Variants in GLT8D2 observed in about 807,000 individuals in gnomAD.
The protein encoded by GLT8D2 is glycosyltransferase 8 domain containing 2.
GLT8D2 carries 45 observed loss-of-function variants against 44.5 expected under a neutral mutation model. The observed-to-expected ratio is 1.01, with a 90% CI of 0.80 to 1.30. The LOEUF is 1.30. Among genes scored for constraint, GLT8D2 ranks in the 50% most tolerant of loss-of-function variants. The pLI, the probability that GLT8D2 is intolerant of heterozygous loss-of-function variation, is 0.00. For synonymous variants in GLT8D2, 156 were observed against 157.2 expected, an observed-to-expected ratio of 0.99 and a Z score of 0.06; for missense variants, 400 against 430.4, an observed-to-expected ratio of 0.93 and a Z score of 0.62.
chr12:104,059,429 G>C (rs1028457406), intron 1 of GLT8D2, among the ~76,000 whole-genome samples: 1 of 152,100 alleles, frequency 6.6e-6, no homozygotes, highest in African/African-American at 2.4e-5. Flanking sequence ...GGCTGCTCCA[G>C]TTCTAGCCAT....
chr12:104,055,105 G>A (rs1344790465), upstream of GLT8D2, among the ~76,000 whole-genome samples: 1 of 152,212 alleles, frequency 6.6e-6, no homozygotes, highest in Non-Finnish European at 1.5e-5. Flanking sequence ...CCAGGACCTG[G>A]AGAGAGGATA....
At chr12:104,000,718 C>T (rs979035028) in intron 5 of GLT8D2, among the ~76,000 whole-genome samples, 1 of 152,158 alleles carries the variant, frequency 6.6e-6, no homozygotes, top group Non-Finnish European at 1.5e-5. Context: ...TTTTCATACC[C>T]ATGGATAGTT....
intron 4 of GLT8D2, among the ~76,000 whole-genome samples, chr12:104,011,651 T>A (rs1034956569): frequency 6.6e-6 from 1 of 152,178 alleles, no homozygotes; most frequent in African/African-American, 2.4e-5. Flanking sequence ...CCTCTGGACA[T>A]CAACTTAGAA....
intron 1 of GLT8D2, among the ~76,000 whole-genome samples, chr12:104,024,533 T>C (rs1878310824): frequency 6.6e-6 from 1 of 152,208 alleles, no homozygotes; most frequent in Non-Finnish European, 1.5e-5. Context: ...AAGTTCCAGT[T>C]GCTCTGTGTT....
At chr12:104,016,648 GAGAA>G (rs201450994) in intron 3 of GLT8D2, among the ~76,000 whole-genome samples, 41 of 132,902 alleles carry the variant, frequency 3.1e-4, no homozygotes, top group South Asian at 1.5e-3. Context: ...GAAAGAAGGA[GAGAA>G]AGAAAGAAAG....
chr12:104,008,645 T>G (rs1309738468), intron 4 of GLT8D2, among the ~76,000 whole-genome samples: 1 of 152,024 alleles, frequency 6.6e-6, no homozygotes, highest in Non-Finnish European at 1.5e-5. Flanking sequence ...CCCAAGACAA[T>G]GGGGAAAATG....
At chr12:104,019,754 T>C in intron 2 of GLT8D2, 78 bp from the exon 3 acceptor site, 1 of 893,478 alleles carries the variant, frequency 1.1e-6, no homozygotes, top group South Asian at 1.5e-5. Flanking sequence ...GGACTATGCC[T>C]TCCCTGAAAG....
chr12:104,037,197 C>A (rs1880009248), intron 1 of GLT8D2, among the ~76,000 whole-genome samples: 1 of 152,038 alleles, frequency 6.6e-6, no homozygotes, highest in Non-Finnish European at 1.5e-5. Flanking sequence ...ACTAAATGCC[C>A]ACAAGAGAAA....
intron 1 of GLT8D2, among the ~76,000 whole-genome samples, chr12:104,042,688 G>A (rs1338314556): frequency 6.6e-6 from 1 of 152,126 alleles, no homozygotes; most frequent in African/African-American, 2.4e-5. Context: ...CCTATCTTCT[G>A]GCTTCCCTGG....
intron 1 of GLT8D2, among the ~76,000 whole-genome samples, chr12:104,039,667 G>A (rs1297565075): frequency 2.0e-5 from 3 of 152,230 alleles, no homozygotes; most frequent in Non-Finnish European, 4.4e-5. Context: ...AGAGGATGTG[G>A]AGAAATAGGA....
chr12:104,010,024 C>CAA (rs35091496), intron 4 of GLT8D2, among the ~76,000 whole-genome samples: 43 of 151,020 alleles, frequency 2.8e-4, no homozygotes, highest in South Asian at 1.7e-3. Flanking sequence ...ATAAACAAAC[C>CAA]AAAAAAAAAG....
At chr12:103,989,913 C>T (rs1872508358) in intron 10 of GLT8D2, among the ~76,000 whole-genome samples, 1 of 151,774 alleles carries the variant, frequency 6.6e-6, no homozygotes, top group Admixed American at 6.6e-5. Context: ...GGAAACTTTC[C>T]ACAGCAGTAC....
At chr12:104,025,087 A>G (rs1360656884) in intron 1 of GLT8D2, among the ~76,000 whole-genome samples, 2 of 149,034 alleles carry the variant, frequency 1.3e-5, no homozygotes, top group South Asian at 2.1e-4. Context: ...AAAAAAAAAA[A>G]AAGCCCTGTG....
At chr12:104,044,856 C>A (rs1035155465) in intron 1 of GLT8D2, among the ~76,000 whole-genome samples, 1 of 152,158 alleles carries the variant, frequency 6.6e-6, no homozygotes, top group Non-Finnish European at 1.5e-5. Context: ...GCTGAAAAGT[C>A]TGAAGAATAA....
chr12:103,997,118 G>C (rs570511772), intron 7 of GLT8D2, among the ~76,000 whole-genome samples: 2 of 152,274 alleles, frequency 1.3e-5, no homozygotes, highest in East Asian at 3.9e-4. Flanking sequence ...TAGTGGAAGA[G>C]ATAGAACACA....
intron 2 of GLT8D2, 149 bp from the exon 3 acceptor site, chr12:104,019,825 C>T: frequency 3.7e-6 from 2 of 540,616 alleles, no homozygotes; most frequent in Non-Finnish European, 3.2e-6. Context: ...ATTTTGGAAA[C>T]AAAATAAATA....
Position 104,003,168 on chromosome 12 carries a change from A to G in GLT8D2, c.251T>C (p.Val84Ala). 1 of 1,614,182 alleles carries G rather than the reference A, an allele frequency of 6.2e-7. No individual in the cohort carries two copies. The highest frequency in any genetic ancestry group is 8.5e-7 in the Non-Finnish European group (1 of 1,180,000). ...AGTCAGAGTATTCCGGAGTCCCACT[A>G]CATAGAACAAGATGTTGGCGTCAGT... is the stretch of plus-strand genomic sequence containing the variant. Reference protein sequence around the residue: ...SNTDANILFYVVGLRNTLTRI... With the variant: ...SNTDANILFYAVGLRNTLTRI... The change falls in exon 5 of 11, where the codon GTA (valine) becomes GCA (alanine). Residue 84 changes from valine to alanine, a missense_variant. Transcript: ENST00000360814.
intron 4 of GLT8D2, among the ~76,000 whole-genome samples, chr12:104,007,265 T>TC (rs1555277869): frequency 1.5e-5 from 2 of 136,284 alleles, no homozygotes; most frequent in Non-Finnish European, 3.2e-5. Context: ...TCTCTCTCTC[T>TC]CCCCCCGCTC....
rs202237363 is a variant in GLT8D2 at position 103,999,528 on chromosome 12, C to CA, written c.285-15dup. On this transcript the variant is annotated splice_polypyrimidine_tract_variant and intron_variant, in intron 5 of 10. Transcript: ENST00000360814. ...TCAATCCATTTTCTAAAAAGATGACCAAAAAAACCTCTAGTATACCCTTCA... is the reference window on the plus strand; with the variant it reads ...TCAATCCATTTTCTAAAAAGATGACCAAAAAAAACCTCTAGTATACCCTTCA... The CA allele has an allele frequency of 4.4e-6, 6 of 1,360,672 alleles. No homozygotes were observed. The highest frequency in any genetic ancestry group is 1.8e-5 in the Admixed American group (1 of 55,060). 84.3% of individuals were successfully genotyped at this position (1,360,672 alleles called of 1,614,324 possible). A position where few individuals can be genotyped will look rare whatever the true frequency, so the allele number is the denominator to read the frequency against.
Sources: allele counts gnomAD v4.1 joint callset (sites outside exome capture counted in the v4.1 genomes callset), GRCh38; gene constraint gnomAD v4.1.1; transcripts MANE v1.5; gene names NCBI Gene and HGNC (gene_info 2026-07-23, HGNC 2026-07-21).